CRYGN: variants seen among roughly 807,000 people sequenced by gnomAD.
CRYGN encodes gamma-crystallin N.
In CRYGN, 17 loss-of-function variants were observed where a neutral mutation model predicts 19.2. That is an observed-to-expected ratio of 0.89 (90% CI 0.61 to 1.33). CRYGN has a LOEUF of 1.33. Ranked by LOEUF, CRYGN falls within the 40% of genes most tolerant of loss-of-function variation. CRYGN has a pLI of 0.00. For synonymous variants in CRYGN, 84 were observed against 85.8 expected, an observed-to-expected ratio of 0.98 and a Z score of 0.12; for missense variants, 239 against 239.6, an observed-to-expected ratio of 1.00 and a Z score of 0.02.
intron 1 of CRYGN, among the ~76,000 whole-genome samples, chr7:151,439,568 A>T (rs148917297): frequency 2.4e-4 from 37 of 152,296 alleles, no homozygotes; most frequent in African/African-American, 8.7e-4. Context: ...TGGGCAAAGA[A>T]GCCGCAGCAG....
chr7:151,430,001 G>A lies in CRYGN; in HGVS notation c.*47C>T, dbSNP rs377267508. ...CATGATTTTAAGTAAACACTCTCCC[G>A]GCTCAGAAACGGTGCAGGTGCATTT... On this transcript the variant is annotated 3_prime_UTR_variant, in exon 4 of 4. Coordinates refer to ENST00000337323, the MANE Select transcript of CRYGN (RefSeq NM_144727.3). The surrounding 1 kb of genome is among the most constrained non-coding windows in gnomAD (Gnocchi z 5.2). The A allele has an allele frequency of 3.2e-5, 26 of 808,054 alleles. No individual in the cohort carries two copies. Among genetic ancestry groups the A allele is most frequent in the African/African-American group, 1.3e-4 (8 of 59,582 alleles). The allele number at this position is 808,054 out of a possible 1,614,324, so 50.1% of individuals were successfully genotyped here. A position where few individuals can be genotyped will look rare whatever the true frequency, so the allele number is the denominator to read the frequency against.
Position 151,435,039 on chromosome 7 carries a change from C to T in CRYGN, c.416+1141G>A, listed in dbSNP as rs1030447727. Among the ~76,000 whole-genome samples the T allele has an allele frequency of 4.6e-5, 7 of 152,222 alleles. No individual in the cohort carries two copies. The highest frequency in any genetic ancestry group is 1.7e-4 in the African/African-American group (7 of 41,450). ...ATTGTGGGGGGATATTTTCGCTGTG[C>T]GGTTGGAGCCCATGGACATGGGGTA... On this transcript the variant is annotated intron_variant, in intron 3 of 3. Transcript: ENST00000337323. This position sits in a 1 kb window ranked among gnomAD's most constrained non-coding sequence, Gnocchi z 4.2.
Position 151,430,243 on chromosome 7 carries a change from G to T in CRYGN, c.417-63C>A. 1.3e-6 allele frequency: 2 copies of T among 1,542,904 alleles called. No individual in the cohort carries two copies. Among genetic ancestry groups the T allele is most frequent in the East Asian group, 2.3e-5 (1 of 44,406 alleles). On this transcript the variant is annotated intron_variant, in intron 3 of 3. Coordinates refer to ENST00000337323, the MANE Select transcript of CRYGN (RefSeq NM_144727.3). The surrounding 1 kb of genome is among the most constrained non-coding windows in gnomAD (Gnocchi z 5.2). ...TTAGGGGTACAGAGCAGGCCTTTTG[G>T]GGACCCATCTACCACATGGCAGCAG...
rs1335339291 is a variant in CRYGN, at chr7:151,431,130, G to A, written c.417-950C>T. Among the ~76,000 whole-genome samples, 10 of 152,274 alleles carry A rather than the reference G, an allele frequency of 6.6e-5. No individual in the cohort carries two copies. The East Asian group carries it at 1.9e-3, about 29-fold the overall frequency. ...GGGGTGGGCTATGGTTTCCTCACAGGCAGGCTCCATTCAGGACTCTGCTGG... is the reference window on the plus strand; with the variant it reads ...GGGGTGGGCTATGGTTTCCTCACAGACAGGCTCCATTCAGGACTCTGCTGG... On this transcript the variant is annotated intron_variant, in intron 3 of 3. Transcript: ENST00000337323. This position sits in a 1 kb window ranked among gnomAD's most constrained non-coding sequence, Gnocchi z 4.8.
Position 151,439,891 on chromosome 7 carries a change from A to G in CRYGN, c.21+6T>C. ...CGGTTTCCTTGGGGTTGAGGGACGC[A>G]CTCACCTTCCCCGAGCGCTGCGCCA... On this transcript the variant is annotated splice_donor_region_variant and intron_variant, in intron 1 of 3. Transcript: ENST00000337323. 3 of 1,556,048 alleles carry G rather than the reference A, an allele frequency of 1.9e-6. No homozygotes were observed. The highest frequency in any genetic ancestry group is 2.6e-6 in the Non-Finnish European group (3 of 1,152,092).
At chr7:151,439,617 C>T (rs1462202229) in intron 1 of CRYGN, among the ~76,000 whole-genome samples, 1 of 152,156 alleles carries the variant, frequency 6.6e-6, no homozygotes, top group Non-Finnish European at 1.5e-5. Context: ...GCCTCCCCCA[C>T]CCCAAGGAAG....
chr7:151,432,370 C>G (rs1022349699), intron 3 of CRYGN: 1 of 765,850 alleles, frequency 1.3e-6, no homozygotes, highest in Non-Finnish European at 1.8e-6. Flanking sequence ...CCTGGCCACC[C>G]AGCAACCCCT....
chr7:151,435,430 G>A lies in CRYGN; in HGVS notation c.416+750C>T, dbSNP rs1256960973. Among the ~76,000 whole-genome samples, 2 of 152,188 alleles carry A rather than the reference G, an allele frequency of 1.3e-5. No homozygotes were observed. Among genetic ancestry groups the A allele is most frequent in the African/African-American group, 2.4e-5 (1 of 41,426 alleles). On this transcript the variant is annotated intron_variant, in intron 3 of 3. Coordinates refer to ENST00000337323, the MANE Select transcript of CRYGN (RefSeq NM_144727.3). This position sits in a 1 kb window ranked among gnomAD's most constrained non-coding sequence, Gnocchi z 4.2. ...ATATCTACCTGACCTAGAGGTGTGG[G>A]CTGGACAATGAAAATACATGGCCAA...
chr7:151,438,335 A>G, intron 1 of CRYGN, 91 bp from the exon 2 acceptor site: 1 of 1,349,850 alleles, frequency 7.4e-7, no homozygotes, highest in South Asian at 1.4e-5. Flanking sequence ...CCTGGATGGA[A>G]CCCCTACTCC....
At chr7:151,440,517 C>T (rs1354687495), upstream of CRYGN, 2 of 152,962 alleles carry the variant, frequency 1.3e-5, no homozygotes, top group Non-Finnish European at 2.9e-5. Flanking sequence ...GCTCCTGATG[C>T]ACCCCCCCAC....
At chr7:151,440,729 A>T (rs541491648), upstream of CRYGN, 8 of 152,864 alleles carry the variant, frequency 5.2e-5, no homozygotes, top group Non-Finnish European at 1.2e-4. Context: ...GCCACCCTGG[A>T]CGCCCAGGAT....
At position 151,430,637 on chromosome 7, in the gene CRYGN, C is replaced by T. The variant is rs1490915460; in HGVS notation, c.417-457G>A. On this transcript the variant is annotated intron_variant, in intron 3 of 3. Transcript: ENST00000337323. The surrounding 1 kb of genome is among the most constrained non-coding windows in gnomAD (Gnocchi z 5.2). ...TGAGCTCCCTGCCGTACTCCATCAC[C>T]CCCTAGGCCTGTCGGGGTGTCTCAG... is the stretch of plus-strand genomic sequence containing the variant. 6.6e-6 allele frequency among the ~76,000 whole-genome samples: 1 copy of T among 152,218 alleles called. No homozygotes were observed. The highest frequency in any genetic ancestry group is 1.5e-5 in the Non-Finnish European group (1 of 68,038).
chr7:151,437,147 A>G (rs1042176243), intron 2 of CRYGN, among the ~76,000 whole-genome samples: 5 of 152,254 alleles, frequency 3.3e-5, no homozygotes, highest in African/African-American at 1.2e-4. Flanking sequence ...GAGATGCCAA[A>G]GCCCAGCTGG....
chr7:151,432,018 G>T (rs554833868), intron 3 of CRYGN: 7 of 412,212 alleles, frequency 1.7e-5, no homozygotes, highest in Non-Finnish European at 2.9e-5. Context: ...GCCCACTGCC[G>T]AGAGAGCACT....
Position 151,438,033 on chromosome 7 carries a change from T to C in CRYGN, c.233A>G (p.His78Arg), listed in dbSNP as rs142618753. 1.6e-5 allele frequency: 26 copies of C among 1,613,992 alleles called. No homozygotes were observed. In the African/African-American group the frequency reaches 3.5e-4, roughly 22 times the overall value. The change falls in exon 2 of 4, where the codon CAC becomes CGC. Residue 78 changes from histidine to arginine, a missense_variant. Physicochemically the swap from His to Arg is conservative, Grantham distance 29 (BLOSUM62 0). Coordinates refer to ENST00000337323, the MANE Select transcript of CRYGN (RefSeq NM_144727.3). ...DYPDFFRWNSHSDHMGSCRPV... is the reference protein window; with the variant it reads ...DYPDFFRWNSRSDHMGSCRPV... ...CCGACAGGAGCCCATGTGGTCACTG[T>C]GGCTGTTCCAGCGGAAGAAGTCGGG...
chr7:151,438,347 A>T, intron 1 of CRYGN, 103 bp from the exon 2 acceptor site: 2 of 1,258,634 alleles, frequency 1.6e-6, no homozygotes, highest in Non-Finnish European at 2.2e-6. Context: ...CCCTACTCCC[A>T]GGCCCCCAAA....
At chr7:151,438,523 C>A (rs1183040891) in intron 1 of CRYGN, among the ~76,000 whole-genome samples, 1 of 152,234 alleles carries the variant, frequency 6.6e-6, no homozygotes, top group Admixed American at 6.5e-5. Flanking sequence ...ACAGGGGTTT[C>A]CCCTTTGTCT....
At chr7:151,439,759 A>AC (rs776841924) in intron 1 of CRYGN, 138 bp downstream of exon 1, 42 of 944,778 alleles carry the variant, frequency 4.4e-5, no homozygotes, top group Non-Finnish European at 6.2e-5. Flanking sequence ...TAGCGAGGCC[A>AC]CCCCATTTTA....
chr7:151,440,225 G>A (rs1399972984), upstream of CRYGN: 5 of 640,116 alleles, frequency 7.8e-6, no homozygotes, highest in Non-Finnish European at 1.2e-5. Context: ...GGGGGGAGGA[G>A]GGGAGGTGTC....
Sources: allele counts gnomAD v4.1 joint callset (sites outside exome capture counted in the v4.1 genomes callset), GRCh38; gene constraint gnomAD v4.1.1; non-coding constraint Gnocchi (gnomAD v3.1); transcripts MANE v1.5; gene names NCBI Gene and HGNC (gene_info 2026-07-23, HGNC 2026-07-21).